The following HTRA1 variants were observed in gnomAD, a reference collection of about 807,000 sequenced individuals.
The protein encoded by HTRA1 is HtrA serine peptidase 1, also known as serine protease HTRA1.
A neutral mutation model predicts 49.7 loss-of-function variants in HTRA1; 26 were observed. The observed-to-expected ratio is 0.52, with a 90% CI of 0.38 to 0.73. The LOEUF (loss-of-function observed/expected upper bound fraction) is 0.73, where lower values mean the gene tolerates loss of function less well. Ranked by LOEUF, HTRA1 falls within the 30% of genes least tolerant of loss-of-function variation. The pLI, the probability that HTRA1 is intolerant of heterozygous loss-of-function variation, is 0.00. For missense variants in HTRA1, 561 were observed against 667.2 expected, an observed-to-expected ratio of 0.84 and a Z score of 1.75; for synonymous variants, 291 against 286.9, an observed-to-expected ratio of 1.01 and a Z score of -0.14.
intron 3 of HTRA1, among the ~76,000 whole-genome samples, chr10:122,497,612 G>A (rs1051487348): frequency 6.6e-6 from 1 of 152,108 alleles, no homozygotes; most frequent in Admixed American, 6.6e-5. Flanking sequence ...CCTGAGCCCT[G>A]AGCTTTATAG....
rs982693559 is a variant in HTRA1 at position 122,506,480 on chromosome 10, C to G, written c.778-211C>G. 2.2e-4 allele frequency among the ~76,000 whole-genome samples: 33 copies of G among 152,082 alleles called. No individual in the cohort carries two copies. The highest frequency in any genetic ancestry group is 3.4e-4 in the Non-Finnish European group (23 of 68,012). On this transcript the variant is annotated intron_variant, in intron 3 of 8. Transcript: ENST00000368984. This position sits in a 1 kb window ranked among gnomAD's most constrained non-coding sequence, Gnocchi z 5.2. Reference sequence around the variant, plus strand: ...GTGTGGCTTCAGTGTTCACTGGCTCCCGCACGGCTTGCAATGTGTGGATTA... The same window carrying G: ...GTGTGGCTTCAGTGTTCACTGGCTCGCGCACGGCTTGCAATGTGTGGATTA...
rs72834443 is a variant in HTRA1, at chr10:122,464,212, T to A, written c.472+2088T>A. The stretch of plus-strand genomic sequence containing the variant: ...TGGTCTCATCGCACGGGGTCCTGAG[T>A]TGCTGGCACCATGCGAGCCGCCTAA... On this transcript the variant is annotated intron_variant, in intron 1 of 8. Transcript: ENST00000368984. This position sits in a 1 kb window ranked among gnomAD's most constrained non-coding sequence, Gnocchi z 4.8. Among the ~76,000 whole-genome samples the A allele has an allele frequency of 4.9e-3, 752 of 152,204 alleles. 3 individuals are homozygous for A. Among genetic ancestry groups the A allele is most frequent in the Middle Eastern group, 0.01 (3 of 294 alleles).
At chr10:122,491,076 A>C (rs2097495569) in intron 3 of HTRA1, among the ~76,000 whole-genome samples, 1 of 152,194 alleles carries the variant, frequency 6.6e-6, no homozygotes, top group Non-Finnish European at 1.5e-5. Flanking sequence ...AGCGACAACT[A>C]ATCTTTCAAA....
chr10:122,511,887 C>T (rs375451139), intron 7 of HTRA1, 83 bp from the exon 8 acceptor site: 40 of 952,832 alleles, frequency 4.2e-5, no homozygotes, highest in Non-Finnish European at 4.6e-5. Flanking sequence ...AAGGAGAAGA[C>T]GGGAACTGGT....
At chr10:122,508,881 G>C in intron 6 of HTRA1, 111 bp downstream of exon 6, 1 of 732,360 alleles carries the variant, frequency 1.4e-6, no homozygotes, top group Non-Finnish European at 2.5e-6. Flanking sequence ...TAGCCAAGCC[G>C]TCTCTGATCC....
intron 1 of HTRA1, among the ~76,000 whole-genome samples, chr10:122,477,672 G>T (rs1476265865): frequency 6.6e-6 from 1 of 152,174 alleles, no homozygotes; most frequent in Non-Finnish European, 1.5e-5. Flanking sequence ...GTCTGCAGGC[G>T]ACCAGGAGAA....
intron 3 of HTRA1, among the ~76,000 whole-genome samples, chr10:122,496,241 T>G (rs1456702774): frequency 2.3e-5 from 3 of 131,946 alleles, no homozygotes; most frequent in Non-Finnish European, 4.9e-5. Context: ...TTTTTTTTTT[T>G]TTTTTTTTTT....
At chr10:122,504,860 G>T (rs2672581) in intron 3 of HTRA1, among the ~76,000 whole-genome samples, 152,243 of 152,352 alleles carry the variant, frequency 1, 76,067 homozygotes, top group Middle Eastern at 1. Flanking sequence ...GTAGAGATGC[G>T]GCAGGCCTGC....
At chr10:122,474,997 A>G (rs951063330) in intron 1 of HTRA1, among the ~76,000 whole-genome samples, 101 of 152,358 alleles carry the variant, frequency 6.6e-4, no homozygotes, top group African/African-American at 2.4e-3. Context: ...ATCTTTTCCC[A>G]GTAAAGCCAA....
intron 3 of HTRA1, among the ~76,000 whole-genome samples, chr10:122,493,462 T>C (rs1026701553): frequency 1.3e-5 from 2 of 152,224 alleles, no homozygotes; most frequent in Admixed American, 6.5e-5. Context: ...GCGCAGCATA[T>C]GTCAAGCTTT....
chr10:122,472,260 T>C (rs2097486440), intron 1 of HTRA1, among the ~76,000 whole-genome samples: 1 of 151,978 alleles, frequency 6.6e-6, no homozygotes, highest in African/African-American at 2.4e-5. Flanking sequence ...TGACATATTG[T>C]ACTATCTCAG....
At chr10:122,470,174 G>A (rs937791629) in intron 1 of HTRA1, among the ~76,000 whole-genome samples, 6 of 152,170 alleles carry the variant, frequency 3.9e-5, no homozygotes, top group Non-Finnish European at 7.4e-5. Context: ...GAGAAGTGTT[G>A]ACGTCTCCTG....
intron 1 of HTRA1, 108 bp downstream of exon 1, chr10:122,462,232 G>A (rs1448176483): frequency 1.0e-5 from 10 of 991,266 alleles, no homozygotes; most frequent in Non-Finnish European, 1.5e-5. Flanking sequence ...TTGTGGGGTG[G>A]CCAGGGCAAC....
chr10:122,480,948 A>G (rs780043161), intron 1 of HTRA1, among the ~76,000 whole-genome samples: 15 of 152,158 alleles, frequency 9.9e-5, no homozygotes, highest in Non-Finnish European at 1.8e-4. Context: ...GAAAAATAAG[A>G]TTAAAAAAAG....
chr10:122,513,708 C>A, intron 8 of HTRA1, among the ~76,000 whole-genome samples: 1 of 144,790 alleles, frequency 6.9e-6, no homozygotes, highest in East Asian at 2.1e-4. Flanking sequence ...GTAATCCAAT[C>A]TACCGATGGT....
At chr10:122,497,467 G>A (rs2097499223) in intron 3 of HTRA1, among the ~76,000 whole-genome samples, 1 of 152,306 alleles carries the variant, frequency 6.6e-6, no homozygotes, top group South Asian at 2.1e-4. Flanking sequence ...GTAATGAGGA[G>A]CCAGAGTGCC....
At chr10:122,468,344 G>A (rs1035579293) in intron 1 of HTRA1, among the ~76,000 whole-genome samples, 46 of 152,090 alleles carry the variant, frequency 3.0e-4, no homozygotes, top group Non-Finnish European at 2.4e-4. Context: ...TATATGAAAC[G>A]CAAAGCACTG....
rs760883276 is a variant in HTRA1, at chr10:122,461,922, G to C, written c.270G>C (p.Val90=). ...EGPCGEGLQC[V]VPFGVPASAT... The stretch of plus-strand genomic sequence containing the variant: ...CGTGCGGCGAGGGGCTGCAGTGCGT[G>C]GTGCCCTTCGGGGTGCCAGCCTCGG... The change falls in exon 1 of 9, where the codon GTG becomes GTC. Residue 90 remains valine, a synonymous_variant. Transcript: ENST00000368984. 6.8e-7 allele frequency: 1 copy of C among 1,474,532 alleles called. No individual in the cohort carries two copies. The highest frequency in any genetic ancestry group is 1.3e-5 in the South Asian group (1 of 78,128). The allele number at this position is 1,474,532 out of a possible 1,614,324, so 91.3% of individuals were successfully genotyped here.
At chr10:122,477,314 A>G (rs986319087) in intron 1 of HTRA1, among the ~76,000 whole-genome samples, 2 of 152,112 alleles carry the variant, frequency 1.3e-5, no homozygotes, top group Non-Finnish European at 2.9e-5. Context: ...GGGGATGCCA[A>G]AGAAATATAA....
Sources: allele counts gnomAD v4.1 joint callset (sites outside exome capture counted in the v4.1 genomes callset), GRCh38; gene constraint gnomAD v4.1.1; non-coding constraint Gnocchi (gnomAD v3.1); transcripts MANE v1.5; gene names NCBI Gene and HGNC (gene_info 2026-07-23, HGNC 2026-07-21).